The following SCLT1 variants were observed in gnomAD, a reference collection of about 807,000 sequenced individuals.
SCLT1 encodes sodium channel and clathrin linker 1, also known as sodium channel-associated protein 1.
In SCLT1, 78 loss-of-function variants were observed where a neutral mutation model predicts 112.8. That is an observed-to-expected ratio of 0.69 (90% confidence interval 0.58 to 0.83). The LOEUF is 0.83. SCLT1 is among the 40% of genes least tolerant of loss of function. The probability of loss-of-function intolerance (pLI) is 0.00; values close to 1 mark genes in which losing one functional copy is unlikely to be tolerated. For missense variants in SCLT1, 747 were observed against 770.4 expected (o/e 0.97, Z 0.36); for synonymous variants, 257 against 254.7 (o/e 1.01, Z -0.09).
At chr4:128,889,042 C>G (rs1404142571) in intron 19 of SCLT1, among the ~76,000 whole-genome samples, 1 of 152,156 alleles carries the variant, frequency 6.6e-6, no homozygotes, top group African/African-American at 2.4e-5. Context: ...ATAAGACTTT[C>G]AATTTGTGAA....
chr4:128,891,143 A>T lies in SCLT1; in HGVS notation c.1830-6T>A. ...TCTGTCGACTCAGCTCACTCCTATT[A>T]AGAGCACCAAAAAATCCATTAATAT... On this transcript the variant is annotated splice_region_variant and splice_polypyrimidine_tract_variant and intron_variant, in intron 18 of 20. Coordinates refer to ENST00000281142, the MANE Select transcript of SCLT1 (RefSeq NM_144643.4). The T allele has an allele frequency of 1.2e-6, 2 of 1,601,936 alleles. No homozygotes were observed. The highest frequency in any genetic ancestry group is 1.7e-6 in the Non-Finnish European group (2 of 1,169,990).
At chr4:129,073,424 G>A (rs1288067841) in intron 2 of SCLT1, among the ~76,000 whole-genome samples, 1 of 152,118 alleles carries the variant, frequency 6.6e-6, no homozygotes, top group Non-Finnish European at 1.5e-5. Context: ...AGTTTCTTAG[G>A]AATTGTTATG....
intron 18 of SCLT1, among the ~76,000 whole-genome samples, chr4:128,906,041 GGT>G (rs1560825323): frequency 6.6e-6 from 1 of 151,946 alleles, no homozygotes; most frequent in African/African-American, 2.4e-5. Context: ...GCAATCAAAA[GGT>G]GTTTTTTTTT....
At chr4:128,890,933 T>C (rs1403246820) in intron 19 of SCLT1, 126 bp downstream of exon 19, 1 of 630,010 alleles carries the variant, frequency 1.6e-6, no homozygotes, top group African/African-American at 1.8e-5. Context: ...GCTTTTAGGG[T>C]TATGGATGAT....
At chr4:128,891,620 C>T (rs577413175) in intron 18 of SCLT1, among the ~76,000 whole-genome samples, 2 of 149,468 alleles carry the variant, frequency 1.3e-5, no homozygotes, top group Admixed American at 6.7e-5. Flanking sequence ...TTGTAAGCTA[C>T]TGTGCTTCTT....
intron 18 of SCLT1, among the ~76,000 whole-genome samples, chr4:128,919,284 T>C (rs999238120): frequency 1.1e-4 from 17 of 152,002 alleles, no homozygotes; most frequent in Non-Finnish European, 2.9e-5. Context: ...CATAATCATA[T>C]GATTAATGGA....
chr4:128,935,863 G>A (rs552829276), intron 18 of SCLT1, among the ~76,000 whole-genome samples: 1 of 152,066 alleles, frequency 6.6e-6, no homozygotes, highest in South Asian at 2.1e-4. Context: ...TCATGTGTAT[G>A]TTAATGATTC....
Position 128,959,612 on chromosome 4 carries a change from A to G in SCLT1, c.1035T>C (p.Leu345=), listed in dbSNP as rs566969961. ...CTAGCTTTCTTACCTGACTTTTTTG[A>G]AGGTTAGCTTCTTCTAAGAGTTGCA... ...NSMQLLEEAN[L]QKSQALLEEK... The change falls in exon 12 of 21, where the codon CTT becomes CTC. Residue 345 remains leucine, a synonymous_variant. Transcript: ENST00000281142. The G allele has an allele frequency of 1.9e-6, 3 of 1,612,292 alleles. No individual in the cohort carries two copies. Among genetic ancestry groups the G allele is most frequent in the Non-Finnish European group, 1.7e-6 (2 of 1,179,222 alleles).
At chr4:128,914,040 C>T (rs1735288086) in intron 18 of SCLT1, among the ~76,000 whole-genome samples, 1 of 152,140 alleles carries the variant, frequency 6.6e-6, no homozygotes, top group Non-Finnish European at 1.5e-5. Context: ...TTCTAAAGCA[C>T]TGGGCGATTT....
intron 18 of SCLT1, among the ~76,000 whole-genome samples, chr4:128,895,549 G>A (rs1314696248): frequency 6.6e-6 from 1 of 152,158 alleles, no homozygotes; most frequent in Non-Finnish European, 1.5e-5. Flanking sequence ...CTGCACCCTT[G>A]GTGGGGTGAA....
chr4:128,973,512 GAA>G (rs1328925642), intron 9 of SCLT1, among the ~76,000 whole-genome samples: 50 of 151,206 alleles, frequency 3.3e-4, no homozygotes, highest in African/African-American at 1.0e-3. Context: ...GAGGGAGAGA[GAA>G]AGAGAGGGAG....
intron 9 of SCLT1, chr4:128,970,694 T>G (rs1740617768): frequency 4.5e-6 from 2 of 445,768 alleles, no homozygotes. Flanking sequence ...GTAGAGGTCA[T>G]GAATGCTGTA....
chr4:129,087,625 A>C lies in SCLT1; in HGVS notation c.35-5252T>G, dbSNP rs180943073. Among the ~76,000 whole-genome samples the C allele has an allele frequency of 3.3e-5, 5 of 151,904 alleles. No individual in the cohort carries two copies. In the East Asian group the frequency reaches 9.7e-4, roughly 30 times the overall value. On this transcript the variant is annotated intron_variant, in intron 1 of 20. Transcript: ENST00000281142. ...AAATATTAGCCAGGTGCAGTGGCACATGCCTGTAGTCCTAGCTACTCAAGA... is the reference window on the plus strand; with the variant it reads ...AAATATTAGCCAGGTGCAGTGGCACCTGCCTGTAGTCCTAGCTACTCAAGA...
rs568468957 is a variant in SCLT1, at chr4:128,987,388, T to A, written c.686+4779A>T. Among the ~76,000 whole-genome samples, 4 of 152,320 alleles carry A rather than the reference T, an allele frequency of 2.6e-5. No individual in the cohort carries two copies. The South Asian group carries it at 8.3e-4, about 32-fold the overall frequency. Reference sequence around the variant, plus strand: ...GACCAATCCTAGAGTGACGGAGATATGTGACATTTCACACAAGGAATTCAA... The same window carrying A: ...GACCAATCCTAGAGTGACGGAGATAAGTGACATTTCACACAAGGAATTCAA... On this transcript the variant is annotated intron_variant, in intron 9 of 20. Coordinates refer to ENST00000281142, the MANE Select transcript of SCLT1 (RefSeq NM_144643.4).
At chr4:128,940,397 C>T (rs1214941748) in intron 17 of SCLT1, among the ~76,000 whole-genome samples, 1 of 151,846 alleles carries the variant, frequency 6.6e-6, no homozygotes, top group Non-Finnish European at 1.5e-5. Context: ...ATTCCCAAAA[C>T]TCAGATAATC....
At chr4:129,044,147 T>TTAGAAAC in intron 2 of SCLT1, 96 bp from the exon 3 acceptor site, 1 of 624,848 alleles carries the variant, frequency 1.6e-6, no homozygotes, top group Non-Finnish European at 2.8e-6. Flanking sequence ...TTTCATAATC[T>TTAGAAAC]TAGAAACTCT....
In SCLT1 at chr4:128,891,023, A is replaced by G. The variant is rs73850023; in HGVS notation, c.1908+36T>C. On this transcript the variant is annotated intron_variant, in intron 19 of 20. Transcript: ENST00000281142. Reference sequence around the variant, plus strand: ...TTCTATAACATGTGTATCATGCTGCAGCAGAAAGCACTTCCCAGGGGAGTC... The same window carrying G: ...TTCTATAACATGTGTATCATGCTGCGGCAGAAAGCACTTCCCAGGGGAGTC... The G allele has an allele frequency of 5.3e-3, 7,607 of 1,432,142 alleles. 316 individuals are homozygous for G. The African/African-American group carries it at 0.092, about 17-fold the overall frequency. The allele number at this position is 1,432,142 out of a possible 1,614,324, so 88.7% of individuals were successfully genotyped here.
intron 18 of SCLT1, among the ~76,000 whole-genome samples, chr4:128,920,003 C>T (rs955833967): frequency 6.6e-6 from 1 of 152,080 alleles, no homozygotes; most frequent in Admixed American, 6.6e-5. Context: ...ACTGAGACTA[C>T]TCCAAAAAAT....
At chr4:129,092,694 G>A (rs1452516925) in intron 1 of SCLT1, among the ~76,000 whole-genome samples, 1 of 152,092 alleles carries the variant, frequency 6.6e-6, no homozygotes, top group Non-Finnish European at 1.5e-5. Flanking sequence ...CATAGTGTCT[G>A]GTACATAATA....
Sources: gnomAD v4.1 joint callset for allele counts (sites outside exome capture counted in the v4.1 genomes callset) on GRCh38, gnomAD v4.1.1 for gene constraint, MANE v1.5 for transcripts, NCBI Gene and HGNC (gene_info 2026-07-23, HGNC 2026-07-21) for gene names.